The following NREP variants were observed in gnomAD, a reference collection of about 807,000 sequenced individuals.
NREP encodes the protein neuronal regeneration related protein.
A neutral mutation model predicts 8.6 loss-of-function variants in NREP; 5 were observed. That is an observed-to-expected ratio of 0.58 (90% CI 0.30 to 1.22). The LOEUF (loss-of-function observed/expected upper bound fraction) is 1.22, where lower values mean the gene tolerates loss of function less well. Among genes scored for constraint, NREP ranks in the 50% most tolerant of loss-of-function variants. The pLI is 0.07. For missense variants in NREP, 86 were observed against 82.5 expected (o/e 1.04, Z -0.17); for synonymous variants, 27 against 28.0 (o/e 0.96, Z 0.11).
At chr5:111,913,689 T>C (rs763447944) in intron 2 of NREP, among the ~76,000 whole-genome samples, 1 of 152,090 alleles carries the variant, frequency 6.6e-6, no homozygotes, top group Non-Finnish European at 1.5e-5. Flanking sequence ...CTTTCCTACT[T>C]CACAAATATT....
intron 2 of NREP, among the ~76,000 whole-genome samples, chr5:111,959,044 A>C (rs1756409670): frequency 6.6e-6 from 1 of 152,024 alleles, no homozygotes; most frequent in Non-Finnish European, 1.5e-5. Flanking sequence ...TACCTCATAC[A>C]AGAAAAAAAT....
At chr5:111,919,980 C>A (rs1433434679) in intron 2 of NREP, among the ~76,000 whole-genome samples, 2 of 145,288 alleles carry the variant, frequency 1.4e-5, no homozygotes, top group Admixed American at 6.9e-5. Flanking sequence ...AATACCCCCC[C>A]CCCCCACACA....
intron 2 of NREP, among the ~76,000 whole-genome samples, chr5:111,931,553 G>A (rs1755537856): frequency 6.6e-6 from 1 of 152,100 alleles, no homozygotes. Context: ...AACATCATAA[G>A]AGACTTAGAA....
At chr5:111,953,473 A>G (rs1293675408) in intron 2 of NREP, among the ~76,000 whole-genome samples, 1 of 152,144 alleles carries the variant, frequency 6.6e-6, no homozygotes, top group East Asian at 1.9e-4. Flanking sequence ...CTATGAGATT[A>G]GTCATCACCA....
At chr5:111,805,059 G>A (rs1752110623) in intron 2 of NREP, among the ~76,000 whole-genome samples, 1 of 152,014 alleles carries the variant, frequency 6.6e-6, no homozygotes, top group Admixed American at 6.5e-5. Flanking sequence ...CATATGACAC[G>A]AACAGCCATA....
intron 2 of NREP, among the ~76,000 whole-genome samples, chr5:111,910,730 T>G (rs770677928): frequency 2.4e-4 from 36 of 152,060 alleles, no homozygotes; most frequent in Non-Finnish European, 4.7e-4. Flanking sequence ...AACCCTCTGA[T>G]GCCACCAAGT....
At chr5:111,794,215 C>T (rs1468138819) in intron 2 of NREP, among the ~76,000 whole-genome samples, 1 of 152,192 alleles carries the variant, frequency 6.6e-6, no homozygotes, top group Non-Finnish European at 1.5e-5. Context: ...TCATTCATTG[C>T]TGTTCAGAAT....
intron 2 of NREP, among the ~76,000 whole-genome samples, chr5:111,870,232 C>T (rs1753758375): frequency 6.6e-6 from 1 of 152,146 alleles, no homozygotes; most frequent in African/African-American, 2.4e-5. Flanking sequence ...GAGTTTGAGA[C>T]CAGCCTGGCC....
intron 2 of NREP, among the ~76,000 whole-genome samples, chr5:111,888,076 G>T (rs2112528753): frequency 6.6e-6 from 1 of 152,292 alleles, no homozygotes; most frequent in East Asian, 1.9e-4. Flanking sequence ...GGATCCTGAA[G>T]GCTATAGGTT....
chr5:111,830,075 G>A (rs1752727686), intron 2 of NREP, among the ~76,000 whole-genome samples: 1 of 152,176 alleles, frequency 6.6e-6, no homozygotes, highest in South Asian at 2.1e-4. Context: ...CCCACAGGCT[G>A]CATGTGGCCC....
chr5:111,806,648 A>T (rs1162148652), intron 2 of NREP, among the ~76,000 whole-genome samples: 1 of 152,222 alleles, frequency 6.6e-6, no homozygotes, highest in Non-Finnish European at 1.5e-5. Flanking sequence ...GATATTAAGC[A>T]TCGAATTCAG....
upstream of NREP, among the ~76,000 whole-genome samples, chr5:111,760,134 G>A (rs555331154): frequency 9.2e-5 from 14 of 152,244 alleles, 1 homozygote; most frequent in African/African-American, 3.4e-4. Flanking sequence ...ATTTTTTGAC[G>A]GGGTGAGGAT....
intron 2 of NREP, among the ~76,000 whole-genome samples, chr5:111,961,004 A>G (rs1248866769): frequency 6.6e-6 from 1 of 152,254 alleles, no homozygotes; most frequent in African/African-American, 2.4e-5. Context: ...TGGTATGGCA[A>G]AAGTCCTGGC....
intron 2 of NREP, among the ~76,000 whole-genome samples, chr5:111,971,863 G>A (rs34929): frequency 0.95 from 144,377 of 152,130 alleles, 68,530 homozygotes; most frequent in Middle Eastern, 0.97. Context: ...CCCTGAAAGC[G>A]TGGGCAGCCA....
chr5:111,906,983 G>C (rs1754793808), intron 2 of NREP, among the ~76,000 whole-genome samples: 1 of 151,896 alleles, frequency 6.6e-6, no homozygotes, highest in South Asian at 2.1e-4. Context: ...TGTCCAGACA[G>C]GGTCTCCAAC....
chr5:111,750,995 T>C (rs7442697), intron 2 of NREP, among the ~76,000 whole-genome samples: 150,517 of 152,288 alleles, frequency 0.99, 74,412 homozygotes, highest in East Asian at 1. Flanking sequence ...TTCGGCTTCC[T>C]ACCTCTTTTA....
At chr5:111,967,431 T>C (rs1361613755) in intron 2 of NREP, among the ~76,000 whole-genome samples, 1 of 152,246 alleles carries the variant, frequency 6.6e-6, no homozygotes, top group East Asian at 1.9e-4. Context: ...TTGTAATTCA[T>C]TCCCTCTCAC....
chr5:111,877,372 C>T (rs938212002), intron 2 of NREP, among the ~76,000 whole-genome samples: 3 of 152,220 alleles, frequency 2.0e-5, no homozygotes, highest in Admixed American at 6.5e-5. Flanking sequence ...AAAACCCTCA[C>T]ATAATTTTCC....
chr5:111,963,168 C>G (rs1284061875), intron 2 of NREP, among the ~76,000 whole-genome samples: 1 of 152,242 alleles, frequency 6.6e-6, no homozygotes, highest in African/African-American at 2.4e-5. Context: ...GGGTCACAGG[C>G]ACCCCCAGCT....
Sources: allele counts gnomAD v4.1 joint callset (sites outside exome capture counted in the v4.1 genomes callset), GRCh38; gene constraint gnomAD v4.1.1; transcripts MANE v1.5; gene names NCBI Gene and HGNC (gene_info 2026-07-23, HGNC 2026-07-21).